The following PGGT1B variants were observed in gnomAD, a reference collection of about 807,000 sequenced individuals.
The protein encoded by PGGT1B is geranylgeranyl transferase type-1 subunit beta.
PGGT1B carries 30 observed loss-of-function variants against 46.1 expected under a neutral mutation model. The observed-to-expected ratio is 0.65, with a 90% confidence interval of 0.49 to 0.88. PGGT1B has a LOEUF of 0.88. Ranked by LOEUF, PGGT1B falls within the 40% of genes least tolerant of loss-of-function variation. The pLI is 0.00. For synonymous variants in PGGT1B, 170 were observed against 160.0 expected, an observed-to-expected ratio of 1.06 and a Z score of -0.47; for missense variants, 376 against 455.9, an observed-to-expected ratio of 0.82 and a Z score of 1.60.
Position 115,210,098 on chromosome 5 carries a change from A to C in PGGT1B, c.*2304T>G, listed in dbSNP as rs755645176. On this transcript the variant is annotated 3_prime_UTR_variant, in exon 9 of 9. Coordinates refer to ENST00000419445, the MANE Select transcript of PGGT1B (RefSeq NM_005023.4). The stretch of plus-strand genomic sequence containing the variant: ...TATATTATAGATCAAATCTAAAAAC[A>C]CTGAAATGATAAACAGGTTAAATTA... 3 of 152,156 alleles carry C rather than the reference A, an allele frequency of 2.0e-5. No homozygotes were observed. Among genetic ancestry groups the C allele is most frequent in the Non-Finnish European group, 4.4e-5 (3 of 68,014 alleles). The allele number at this position is 152,156 out of a possible 1,614,324, so 9.4% of individuals were successfully genotyped here. A position where few individuals can be genotyped will look rare whatever the true frequency, so the allele number is the denominator to read the frequency against.
rs547128859 is a variant in PGGT1B, at chr5:115,218,197, C to T, written c.844-1224G>A. On this transcript the variant is annotated intron_variant, in intron 7 of 8. Coordinates refer to ENST00000419445, the MANE Select transcript of PGGT1B (RefSeq NM_005023.4). ...CATAGTTGGGAATCATCAATAATGT[C>T]TAAAGGTGATAAGAAGTCAGTCTGT... 6.3e-4 allele frequency among the ~76,000 whole-genome samples: 96 copies of T among 151,704 alleles called. 1 individual carries two copies. Among genetic ancestry groups the T allele is most frequent in the African/African-American group, 2.3e-3 (95 of 41,452 alleles).
At chr5:115,250,900 T>C (rs1466605224) in intron 2 of PGGT1B, among the ~76,000 whole-genome samples, 1 of 152,192 alleles carries the variant, frequency 6.6e-6, no homozygotes, top group African/African-American at 2.4e-5. Flanking sequence ...CTCATAAACA[T>C]GCTTGTGACA....
At chr5:115,256,011 G>T (rs1430221918) in intron 1 of PGGT1B, among the ~76,000 whole-genome samples, 1 of 152,178 alleles carries the variant, frequency 6.6e-6, no homozygotes, top group Admixed American at 6.5e-5. Context: ...TGGGTGTAAG[G>T]TGGGGTCTGG....
At chr5:115,220,126 A>C (rs1241977341) in intron 7 of PGGT1B, among the ~76,000 whole-genome samples, 2 of 151,872 alleles carry the variant, frequency 1.3e-5, no homozygotes, top group Non-Finnish European at 3.0e-5. Flanking sequence ...GAAAGCACGG[A>C]CTTGAACATA....
chr5:115,225,347 C>A (rs1756738551), intron 6 of PGGT1B, among the ~76,000 whole-genome samples: 2 of 152,272 alleles, frequency 1.3e-5, no homozygotes, highest in South Asian at 4.1e-4. Flanking sequence ...CTCTCTTAAC[C>A]TACCCCAATT....
intron 5 of PGGT1B, among the ~76,000 whole-genome samples, chr5:115,232,839 G>A (rs531096906): frequency 6.6e-6 from 1 of 152,020 alleles, no homozygotes; most frequent in African/African-American, 2.4e-5. Flanking sequence ...CTCAAAGAGT[G>A]TAAATTTTGG....
chr5:115,256,156 T>C (rs7700478), intron 1 of PGGT1B, among the ~76,000 whole-genome samples: 17,298 of 152,148 alleles, frequency 0.11, 1,108 homozygotes, highest in African/African-American at 0.18. Flanking sequence ...AATCAAACAT[T>C]CTTGGTTGTC....
chr5:115,228,620 A>G (rs367730029), intron 6 of PGGT1B, among the ~76,000 whole-genome samples: 38 of 152,292 alleles, frequency 2.5e-4, no homozygotes, highest in African/African-American at 8.2e-4. Flanking sequence ...ATGGAGGAAG[A>G]TTCTATGTAC....
At chr5:115,213,831 T>C (rs768727328) in intron 8 of PGGT1B, among the ~76,000 whole-genome samples, 20 of 152,136 alleles carry the variant, frequency 1.3e-4, no homozygotes, top group Non-Finnish European at 2.9e-4. Flanking sequence ...TCAAAAGAGT[T>C]AAAGAAAAAG....
chr5:115,260,724 C>CA (rs919589007), intron 1 of PGGT1B, among the ~76,000 whole-genome samples: 1 of 151,838 alleles, frequency 6.6e-6, no homozygotes, highest in African/African-American at 2.4e-5. Flanking sequence ...AAACATTAGA[C>CA]AAAAAAGGAT....
intron 2 of PGGT1B, among the ~76,000 whole-genome samples, chr5:115,245,495 C>A (rs1341500044): frequency 6.6e-6 from 1 of 152,160 alleles, no homozygotes; most frequent in African/African-American, 2.4e-5. Flanking sequence ...GAGCCAGTTT[C>A]TTCCATTTTT....
chr5:115,252,475 T>G (rs1293059631), intron 2 of PGGT1B, among the ~76,000 whole-genome samples: 2 of 152,006 alleles, frequency 1.3e-5, no homozygotes, highest in Admixed American at 6.6e-5. Context: ...TCTAGGAGTT[T>G]GTTTGTTTGA....
intron 7 of PGGT1B, among the ~76,000 whole-genome samples, chr5:115,220,439 G>A (rs1756553164): frequency 1.3e-5 from 2 of 151,850 alleles, no homozygotes; most frequent in African/African-American, 4.8e-5. Flanking sequence ...AGGTTACCAG[G>A]CTGAGGGGAA....
At chr5:115,242,172 G>C (rs922359603) in intron 2 of PGGT1B, among the ~76,000 whole-genome samples, 4 of 152,132 alleles carry the variant, frequency 2.6e-5, no homozygotes, top group African/African-American at 7.2e-5. Flanking sequence ...GAAGTATGTA[G>C]AACACTGTAA....
At chr5:115,259,805 G>A (rs568033231) in intron 1 of PGGT1B, among the ~76,000 whole-genome samples, 63 of 152,012 alleles carry the variant, frequency 4.1e-4, no homozygotes, top group South Asian at 8.3e-4. Flanking sequence ...AGAGGGACAT[G>A]AGAATACAAA....
intron 7 of PGGT1B, among the ~76,000 whole-genome samples, chr5:115,220,604 C>G (rs538497919): frequency 6.6e-6 from 1 of 151,936 alleles, no homozygotes; most frequent in Middle Eastern, 3.4e-3. Context: ...GTATAATGTG[C>G]TATGTATATT....
chr5:115,219,087 G>T (rs946469761), intron 7 of PGGT1B, among the ~76,000 whole-genome samples: 4 of 151,800 alleles, frequency 2.6e-5, no homozygotes, highest in Non-Finnish European at 5.9e-5. Flanking sequence ...CTTTTTTGCA[G>T]AAATGGGAAA....
intron 7 of PGGT1B, among the ~76,000 whole-genome samples, chr5:115,217,204 C>CA (rs1434655580): frequency 1.3e-5 from 2 of 151,724 alleles, no homozygotes; most frequent in African/African-American, 4.8e-5. Context: ...TGAACCAGGC[C>CA]AACTGAACCC....
intron 7 of PGGT1B, among the ~76,000 whole-genome samples, chr5:115,217,531 T>G (rs1290930076): frequency 6.6e-6 from 1 of 152,038 alleles, no homozygotes; most frequent in African/African-American, 2.4e-5. Flanking sequence ...GGACATGTAC[T>G]TGGCTTTTCT....
Sources: allele counts gnomAD v4.1 joint callset (sites outside exome capture counted in the v4.1 genomes callset), GRCh38; gene constraint gnomAD v4.1.1; transcripts MANE v1.5; gene names NCBI Gene and HGNC (gene_info 2026-07-23, HGNC 2026-07-21).